LNPEP: variants seen among roughly 807,000 people sequenced by gnomAD.
LNPEP encodes the protein leucyl and cystinyl aminopeptidase, also known as leucyl-cystinyl aminopeptidase.
In LNPEP, 64 loss-of-function variants were observed where a neutral mutation model predicts 120.6. That is an observed-to-expected ratio of 0.53 (90% CI 0.43 to 0.65). The LOEUF (loss-of-function observed/expected upper bound fraction) is 0.65. Ranked by LOEUF, LNPEP falls within the 30% of genes least tolerant of loss-of-function variation. LNPEP has a pLI of 0.00. For missense variants in LNPEP, 1,057 were observed against 1,200.0 expected (o/e 0.88, Z 1.76); for synonymous variants, 435 against 425.4 (o/e 1.02, Z -0.28).
chr5:97,011,199 C>A (rs1790917875), intron 11 of LNPEP: 1 of 984,978 alleles, frequency 1.0e-6, no homozygotes, highest in East Asian at 1.1e-4. Context: ...TCTCTGTAGC[C>A]CTTCTTTCTG....
chr5:97,014,658 G>A (rs964460002), intron 12 of LNPEP, among the ~76,000 whole-genome samples: 1 of 151,874 alleles, frequency 6.6e-6, no homozygotes, highest in Non-Finnish European at 1.5e-5. Flanking sequence ...TCTAACCCAA[G>A]ATATTATACT....
chr5:96,992,692 A>G (rs1205859828), intron 4 of LNPEP, among the ~76,000 whole-genome samples: 1 of 151,816 alleles, frequency 6.6e-6, no homozygotes, highest in Non-Finnish European at 1.5e-5. Flanking sequence ...AGAGAAGAGT[A>G]TCATAAAATT....
At chr5:96,939,216 C>CTT (rs34230118) in intron 1 of LNPEP, among the ~76,000 whole-genome samples, 1,674 of 139,328 alleles carry the variant, frequency 0.012, 41 homozygotes, top group African/African-American at 0.036. Flanking sequence ...TGTATACTTT[C>CTT]TTTTTTTTTT....
rs952564118 is a variant in LNPEP, at chr5:97,028,588, C to T, written c.*55C>T. ...CATTCAGAGAGCTTGTAAGCTTGGG[C>T]TCTGCCGCTTTTGCAAAAGCCAAGG... On this transcript the variant is annotated 3_prime_UTR_variant, in exon 18 of 18. Coordinates refer to ENST00000231368, the MANE Select transcript of LNPEP (RefSeq NM_005575.3). 5.0e-6 allele frequency: 8 copies of T among 1,589,342 alleles called. No homozygotes were observed. Among genetic ancestry groups the T allele is most frequent in the Non-Finnish European group, 6.9e-6 (8 of 1,166,882 alleles).
Position 96,993,425 on chromosome 5 carries a change from A to G in LNPEP, c.1252+290A>G, listed in dbSNP as rs545029265. On this transcript the variant is annotated intron_variant, in intron 5 of 17. Transcript: ENST00000231368. ...TGACTAATTCTAACTTCCAAGAAATACCCTATTTAAATAATAAAAACTGAG... is the reference window on the plus strand; with the variant it reads ...TGACTAATTCTAACTTCCAAGAAATGCCCTATTTAAATAATAAAAACTGAG... Among the ~76,000 whole-genome samples, 125 of 152,302 alleles carry G rather than the reference A, an allele frequency of 8.2e-4. 4 individuals carry two copies. In the South Asian group the frequency reaches 0.024, roughly 30 times the overall value.
chr5:96,944,234 C>T (rs1349293800), intron 1 of LNPEP, among the ~76,000 whole-genome samples: 1 of 152,152 alleles, frequency 6.6e-6, no homozygotes, highest in Non-Finnish European at 1.5e-5. Flanking sequence ...ATCAATGAAA[C>T]ATCATTACAT....
At chr5:97,011,951 T>G (rs955643842) in intron 11 of LNPEP, among the ~76,000 whole-genome samples, 6 of 152,166 alleles carry the variant, frequency 3.9e-5, no homozygotes, top group Non-Finnish European at 7.4e-5. Context: ...TTTTTGAAAT[T>G]GATAAATCCT....
intron 4 of LNPEP, among the ~76,000 whole-genome samples, chr5:96,989,890 A>G (rs1242258435): frequency 6.6e-6 from 1 of 152,212 alleles, no homozygotes. Context: ...AGAGATGGGA[A>G]TAAGTGGACC....
At chr5:97,010,837 C>T in intron 11 of LNPEP, 4 of 985,382 alleles carry the variant, frequency 4.1e-6, no homozygotes, top group Non-Finnish European at 4.8e-6. Flanking sequence ...CCCTTGTGTG[C>T]AAAGCTATTA....
intron 1 of LNPEP, among the ~76,000 whole-genome samples, chr5:96,971,845 A>T (rs1038292148): frequency 6.6e-6 from 1 of 151,704 alleles, no homozygotes; most frequent in East Asian, 1.9e-4. Context: ...CTGCTTAATG[A>T]TGGGGATACA....
At chr5:96,953,477 C>T (rs1160001612) in intron 1 of LNPEP, among the ~76,000 whole-genome samples, 2 of 152,088 alleles carry the variant, frequency 1.3e-5, no homozygotes, top group Non-Finnish European at 2.9e-5. Context: ...CTACCTCTAC[C>T]CTCCTTCTCC....
At position 96,998,112 on chromosome 5, in the gene LNPEP, T is replaced by G; in HGVS notation, c.1620T>G (p.Ile540Met). The G allele has an allele frequency of 6.3e-7, 1 of 1,598,800 alleles. No individual in the cohort carries two copies. The highest frequency in any genetic ancestry group is 8.5e-7 in the Non-Finnish European group (1 of 1,171,948). The change falls in exon 8 of 18, where the codon ATT becomes ATG. Residue 540 changes from isoleucine (I) to methionine (M), a missense_variant. Transcript: ENST00000231368. ...CATCTGTTCAGTCTTCAGAACAAAT[T>G]GAAGAAATGTTTGATTCTCTTTCCT... ...ISSSVQSSEQIEEMFDSLSYF... is the reference protein window; with the variant it reads ...ISSSVQSSEQMEEMFDSLSYF...
chr5:96,999,734 T>A, intron 8 of LNPEP, among the ~76,000 whole-genome samples: 1 of 152,210 alleles, frequency 6.6e-6, no homozygotes, highest in Non-Finnish European at 1.5e-5. Context: ...GTCTTCTGAA[T>A]ATGTAGTTTC....
At position 97,031,263 on chromosome 5, in the gene LNPEP, A is replaced by G. The variant is rs1312925748; in HGVS notation, c.*2730A>G. ...AAAAAGTTATGAATGTAGGAATTAG[A>G]TAAGTCCAGTTTGTTCTGTTAATAT... is the stretch of plus-strand genomic sequence containing the variant. On this transcript the variant is annotated 3_prime_UTR_variant, in exon 18 of 18. Transcript: ENST00000231368. 1.3e-5 allele frequency: 2 copies of G among 151,994 alleles called. No individual in the cohort carries two copies. Among genetic ancestry groups the G allele is most frequent in the Admixed American group, 1.3e-4 (2 of 15,230 alleles). 9.4% of individuals were successfully genotyped at this position (151,994 alleles called of 1,614,324 possible). A position where few individuals can be genotyped will look rare whatever the true frequency, so the allele number is the denominator to read the frequency against.
chr5:96,943,149 A>G, intron 1 of LNPEP: 1 of 513,532 alleles, frequency 1.9e-6, no homozygotes, highest in Non-Finnish European at 2.9e-6. Flanking sequence ...ATCATTATTG[A>G]GCCAGGAGTT....
rs1045417907 is a variant in LNPEP at position 97,022,475 on chromosome 5, G to A, written c.2552G>A (p.Gly851Glu). Residue 851 changes from glycine to glutamate, a missense_variant, in exon 14 of 18, where the codon GGA becomes GAA. Coordinates refer to ENST00000231368, the MANE Select transcript of LNPEP (RefSeq NM_005575.3). ...TTTGATGACTGGATGGCATCCAATG[G>A]AACTCAAAGGTGAAGTATACCTCTA... ...KLFDDWMASN[G>E]TQSLPTDVMT... 12 of 1,612,124 alleles carry A rather than the reference G, an allele frequency of 7.4e-6. No individual in the cohort carries two copies. Among genetic ancestry groups the A allele is most frequent in the Middle Eastern group, 1.6e-4 (1 of 6,082 alleles).
rs1425322249 is a variant in LNPEP at position 96,979,369 on chromosome 5, G to A, written c.251G>A (p.Arg84Lys). ...AKLLGMSFMN[R>K]SSGLRNSATG... ...CTGCTGGGCATGTCCTTCATGAATA[G>A]AAGCTCAGGCCTTCGGAACAGTGCA... is the stretch of plus-strand genomic sequence containing the variant. Residue 84 changes from arginine (R) to lysine (K), a missense_variant, in exon 2 of 18, where the codon AGA (arginine) becomes AAA (lysine). Transcript: ENST00000231368. 1 of 1,614,102 alleles carries A rather than the reference G, an allele frequency of 6.2e-7. No individual in the cohort carries two copies. The highest frequency in any genetic ancestry group is 1.1e-5 in the South Asian group (1 of 91,080).
Position 96,973,896 on chromosome 5 carries a change from A to G in LNPEP, c.20-5242A>G, listed in dbSNP as rs1422009830. ...CTTTTTGTCCTGTCTTCTAAATTGT[A>G]TCCCTCAATTGATGACTTGCTCTCT... On this transcript the variant is annotated intron_variant, in intron 1 of 17. Coordinates refer to ENST00000231368, the MANE Select transcript of LNPEP (RefSeq NM_005575.3). Among the ~76,000 whole-genome samples, 9 of 152,188 alleles carry G rather than the reference A, an allele frequency of 5.9e-5. No homozygotes were observed. In the South Asian group the frequency reaches 1.9e-3, roughly 32 times the overall value.
chr5:97,022,287 T>C lies in LNPEP; in HGVS notation c.2377-13T>C. On this transcript the variant is annotated splice_polypyrimidine_tract_variant and intron_variant, in intron 13 of 17. Transcript: ENST00000231368. Reference sequence around the variant, plus strand: ...TTATTATGAAGCCATTATAATCTATTTTGTCTCTCTAGACTAGGGTATTTA... The same window carrying C: ...TTATTATGAAGCCATTATAATCTATCTTGTCTCTCTAGACTAGGGTATTTA... The C allele has an allele frequency of 6.7e-7, 1 of 1,483,006 alleles. No homozygotes were observed. The highest frequency in any genetic ancestry group is 9.3e-7 in the Non-Finnish European group (1 of 1,080,688). The allele number at this position is 1,483,006 out of a possible 1,614,324, so 91.9% of individuals were successfully genotyped here. A position where few individuals can be genotyped will look rare whatever the true frequency, so the allele number is the denominator to read the frequency against.
Sources: allele counts gnomAD v4.1 joint callset (sites outside exome capture counted in the v4.1 genomes callset), GRCh38; gene constraint gnomAD v4.1.1; transcripts MANE v1.5; gene names NCBI Gene and HGNC (gene_info 2026-07-23, HGNC 2026-07-21).